SEC14L1: variants seen among roughly 807,000 people sequenced by gnomAD.
SEC14L1 encodes SEC14 like lipid binding 1, also known as SEC14-like protein 1.
A neutral mutation model predicts 85.3 loss-of-function variants in SEC14L1; 48 were observed. The observed-to-expected ratio is 0.56, with a 90% CI of 0.45 to 0.72. The LOEUF is 0.72. SEC14L1 is among the 30% of genes least tolerant of loss of function. The pLI is 0.00. For synonymous variants in SEC14L1, 391 were observed against 355.5 expected, an observed-to-expected ratio of 1.10 and a Z score of -1.12; for missense variants, 682 against 921.4, an observed-to-expected ratio of 0.74 and a Z score of 3.36.
chr17:77,136,022 G>C (rs1972786140), upstream of SEC14L1, among the ~76,000 whole-genome samples: 1 of 150,784 alleles, frequency 6.6e-6, no homozygotes, highest in Non-Finnish European at 1.5e-5. Flanking sequence ...ATAGGCACCA[G>C]CCACCACGCC....
At chr17:77,096,538 C>CAG (rs201843197) in intron 3 of SEC14L1, among the ~76,000 whole-genome samples, 3,184 of 145,548 alleles carry the variant, frequency 0.022, 71 homozygotes, top group Admixed American at 0.055. Flanking sequence ...GCCTGGGTGA[C>CAG]AGTGAGACTC....
At chr17:77,148,582 G>A (rs914705619) in intron 3 of SEC14L1, among the ~76,000 whole-genome samples, 2 of 152,178 alleles carry the variant, frequency 1.3e-5, no homozygotes, top group Non-Finnish European at 2.9e-5. Context: ...AACCCCTTCA[G>A]TGTCTCTGTC....
chr17:77,208,086 C>A (rs897218522), intron 13 of SEC14L1, among the ~76,000 whole-genome samples: 1 of 152,164 alleles, frequency 6.6e-6, no homozygotes, highest in Admixed American at 6.5e-5. Flanking sequence ...GGAATGTGTA[C>A]CCACTGGGTT....
In SEC14L1 at chr17:77,212,210, ACACACAGGTCAAATCG is replaced by A; in HGVS notation, c.1863+11_1863+26del. 1 of 1,612,592 alleles carries A rather than the reference ACACACAGGTCAAATCG, an allele frequency of 6.2e-7. No individual in the cohort carries two copies. Among genetic ancestry groups the A allele is most frequent in the East Asian group, 2.2e-5 (1 of 44,862 alleles). On this transcript the variant is annotated intron_variant, in intron 15 of 16. Transcript: ENST00000436233. Reference sequence around the variant, plus strand: ...AAGGAGAAAGCGTGCAGGTAAAATCACACACAGGTCAAATCGCGCATCCGTGACTCCACACGGCCAG... The same window carrying A: ...AAGGAGAAAGCGTGCAGGTAAAATCACGCATCCGTGACTCCACACGGCCAG...
intron 3 of SEC14L1, among the ~76,000 whole-genome samples, chr17:77,120,991 C>G (rs1247247491): frequency 6.6e-6 from 1 of 152,140 alleles, no homozygotes; most frequent in Non-Finnish European, 1.5e-5. Context: ...GAGGCAGGAA[C>G]CAAGGCAGCA....
At position 77,145,723 on chromosome 17, in the gene SEC14L1, G is replaced by A. The variant is rs548576693; in HGVS notation, c.63+2064G>A. ...TGTGATAGGAATCACACAGGAATCCGGGAATTCGAGCTGGGATGGGCTGAG... is the reference window on the plus strand; with the variant it reads ...TGTGATAGGAATCACACAGGAATCCAGGAATTCGAGCTGGGATGGGCTGAG... On this transcript the variant is annotated intron_variant, in intron 3 of 16. Transcript: ENST00000436233. Among the ~76,000 whole-genome samples the A allele has an allele frequency of 3.8e-4, 58 of 152,264 alleles. 1 individual carries two copies. Among genetic ancestry groups the A allele is most frequent in the African/African-American group, 1.3e-3 (56 of 41,554 alleles).
At chr17:77,148,288 C>G (rs918218338) in intron 3 of SEC14L1, among the ~76,000 whole-genome samples, 1 of 152,030 alleles carries the variant, frequency 6.6e-6, no homozygotes, top group African/African-American at 2.4e-5. Flanking sequence ...AGGCCACCTT[C>G]TGAACCCGAT....
intron 3 of SEC14L1, among the ~76,000 whole-genome samples, chr17:77,157,436 G>T (rs564325441): frequency 6.6e-6 from 1 of 152,130 alleles, no homozygotes; most frequent in Non-Finnish European, 1.5e-5. Flanking sequence ...GATTCTTAAC[G>T]CCTGCTCAAG....
chr17:77,165,308 C>T (rs546203314), intron 3 of SEC14L1, among the ~76,000 whole-genome samples: 1 of 152,284 alleles, frequency 6.6e-6, no homozygotes, highest in South Asian at 2.1e-4. Context: ...GACACAGCCT[C>T]AGGAGGTGCT....
intron 13 of SEC14L1, among the ~76,000 whole-genome samples, chr17:77,209,094 G>T (rs1314937835): frequency 6.6e-6 from 1 of 152,208 alleles, no homozygotes; most frequent in Non-Finnish European, 1.5e-5. Flanking sequence ...ACGCATTTTA[G>T]TAGGAATTCT....
At chr17:77,148,718 TC>T (rs1275003505) in intron 3 of SEC14L1, among the ~76,000 whole-genome samples, 2 of 152,130 alleles carry the variant, frequency 1.3e-5, no homozygotes, top group Non-Finnish European at 2.9e-5. Flanking sequence ...AGACCAGGGG[TC>T]CCTTGTTCCT....
At chr17:77,138,129 G>A (rs1366395091), upstream of SEC14L1, among the ~76,000 whole-genome samples, 1 of 152,158 alleles carries the variant, frequency 6.6e-6, no homozygotes, top group Non-Finnish European at 1.5e-5. Flanking sequence ...CACAAGATCA[G>A]ATGAGCCTGT....
At chr17:77,132,614 T>G (rs1330688675) in intron 3 of SEC14L1, among the ~76,000 whole-genome samples, 2 of 152,158 alleles carry the variant, frequency 1.3e-5, no homozygotes, top group Non-Finnish European at 2.9e-5. Flanking sequence ...CCAGGGCGTA[T>G]AAGGCCACCA....
intron 3 of SEC14L1, among the ~76,000 whole-genome samples, chr17:77,153,569 T>C (rs934225302): frequency 6.6e-6 from 1 of 152,230 alleles, no homozygotes; most frequent in Non-Finnish European, 1.5e-5. Flanking sequence ...TAACACTGAA[T>C]GGGTCCTCAT....
At chr17:77,211,537 T>G (rs963590049) in intron 14 of SEC14L1, 1 of 179,900 alleles carries the variant, frequency 5.6e-6, no homozygotes, top group Non-Finnish European at 1.2e-5. Context: ...CTGGGAACGC[T>G]GTCCTCAGGC....
intron 3 of SEC14L1, among the ~76,000 whole-genome samples, chr17:77,166,974 T>C (rs1417438602): frequency 2.0e-5 from 3 of 152,208 alleles, no homozygotes; most frequent in Non-Finnish European, 4.4e-5. Flanking sequence ...ATCCCTCTGA[T>C]GTGTTTCTCC....
chr17:77,159,101 C>CT, intron 3 of SEC14L1, among the ~76,000 whole-genome samples: 1 of 151,808 alleles, frequency 6.6e-6, no homozygotes, highest in Middle Eastern at 3.4e-3. Flanking sequence ...AACTTTCACT[C>CT]TGTCACCCAG....
At chr17:77,148,681 A>C (rs1308087806) in intron 3 of SEC14L1, among the ~76,000 whole-genome samples, 1 of 152,212 alleles carries the variant, frequency 6.6e-6, no homozygotes, top group African/African-American at 2.4e-5. Flanking sequence ...CCATCGTTGC[A>C]GCGTAAGCCC....
In SEC14L1 at chr17:77,169,007, C is replaced by CTTTTTTTTTTTTT. The variant is rs71160208; in HGVS notation, c.64-21778_64-21766dup. 2.6e-5 allele frequency among the ~76,000 whole-genome samples: 2 copies of CTTTTTTTTTTTTT among 77,832 alleles called. 1 individual carries two copies. Among genetic ancestry groups the CTTTTTTTTTTTTT allele is most frequent in the Non-Finnish European group, 4.7e-5 (2 of 42,340 alleles). 51.1% of individuals were successfully genotyped at this position (77,832 alleles called of 152,430 possible). On this transcript the variant is annotated intron_variant, in intron 3 of 16. Transcript: ENST00000436233. ...GGGTCAAAAGACCCGTGAGGAGCAT[C>CTTTTTTTTTTTTT]TTTTTTTTTTTTTTTTTTTTTTTTT...
Sources: gnomAD v4.1 joint callset for allele counts (sites outside exome capture counted in the v4.1 genomes callset) on GRCh38, gnomAD v4.1.1 for gene constraint, MANE v1.5 for transcripts, NCBI Gene and HGNC (gene_info 2026-07-23, HGNC 2026-07-21) for gene names.